Variants in FMNL3 observed in about 807,000 individuals in gnomAD.
FMNL3 encodes formin-like protein 3.
A neutral mutation model predicts 119.6 loss-of-function variants in FMNL3; 57 were observed. That is an observed-to-expected ratio of 0.48 (90% CI 0.39 to 0.59). The LOEUF (loss-of-function observed/expected upper bound fraction) is 0.59, where lower values mean the gene tolerates loss of function less well. Among genes scored for constraint, FMNL3 ranks in the 20% least tolerant of loss-of-function variants. FMNL3 has a pLI of 0.00. For synonymous variants in FMNL3, 491 were observed against 507.3 expected, an observed-to-expected ratio of 0.97 and a Z score of 0.43; for missense variants, 1,053 against 1,323.5, an observed-to-expected ratio of 0.80 and a Z score of 3.17.
chr12:49,637,914 A>T lies in FMNL3; in HGVS notation c.*7901T>A. ...TCCCTGATAAGTCCTGTTTTGCAGA[A>T]GCATTACAGCTTGGTTCAGCAGATA... On this transcript the variant is annotated 3_prime_UTR_variant, in exon 26 of 26. Coordinates refer to ENST00000335154, the MANE Select transcript of FMNL3 (RefSeq NM_175736.5). The T allele has an allele frequency of 9.5e-7, 1 of 1,053,040 alleles. No homozygotes were observed. Among genetic ancestry groups the T allele is most frequent in the Non-Finnish European group, 1.4e-6 (1 of 692,172 alleles). The allele number at this position is 1,053,040 out of a possible 1,614,324, so 65.2% of individuals were successfully genotyped here.
intron 4 of FMNL3, among the ~76,000 whole-genome samples, chr12:49,662,299 C>T (rs542400470): frequency 1.3e-5 from 2 of 152,330 alleles, no homozygotes; most frequent in Admixed American, 6.5e-5. Flanking sequence ...TTCAGACAAA[C>T]AAGCTCTCAG....
At chr12:49,662,374 C>T (rs909953875) in intron 4 of FMNL3, among the ~76,000 whole-genome samples, 17 of 152,170 alleles carry the variant, frequency 1.1e-4, no homozygotes, top group African/African-American at 3.9e-4. Context: ...CATGTCCTTG[C>T]TCAGTGTTTG....
At position 49,637,537 on chromosome 12, in the gene FMNL3, C is replaced by CA; in HGVS notation, c.*8277dup. On this transcript the variant is annotated 3_prime_UTR_variant, in exon 26 of 26. Coordinates refer to ENST00000335154, the MANE Select transcript of FMNL3 (RefSeq NM_175736.5). Reference sequence around the variant, plus strand: ...ATGTCCACCTGGATGGAGCTATATCCAGCAGTCAGCACTGATGTCCGCTTT... The same window carrying CA: ...ATGTCCACCTGGATGGAGCTATATCCAAGCAGTCAGCACTGATGTCCGCTTT... 1 of 1,613,908 alleles carries CA rather than the reference C, an allele frequency of 6.2e-7. No individual in the cohort carries two copies. Among genetic ancestry groups the CA allele is most frequent in the East Asian group, 2.2e-5 (1 of 44,874 alleles).
chr12:49,696,472 GTTGT>G (rs1334849815), intron 1 of FMNL3, among the ~76,000 whole-genome samples: 12 of 152,202 alleles, frequency 7.9e-5, no homozygotes, highest in Non-Finnish European at 2.9e-5. Context: ...TCAAGGCCTT[GTTGT>G]TTAAGACTCA....
intron 1 of FMNL3, among the ~76,000 whole-genome samples, chr12:49,676,028 CCTA>C (rs1944176205): frequency 6.6e-6 from 1 of 152,178 alleles, no homozygotes; most frequent in African/African-American, 2.4e-5. Context: ...CTACCTACTA[CCTA>C]CTACCTGACT....
At position 49,643,535 on chromosome 12, in the gene FMNL3, A is replaced by G. The variant is rs890601293; in HGVS notation, c.*2280T>C. 7.3e-7 allele frequency: 1 copy of G among 1,364,330 alleles called. No individual in the cohort carries two copies. The allele number at this position is 1,364,330 out of a possible 1,614,324, so 84.5% of individuals were successfully genotyped here. ...TGTGGAAGTAGAAAGAACTTCCTCTACCTGCCCAAGCAAGAAGCTGGAGAA... is the reference window on the plus strand; with the variant it reads ...TGTGGAAGTAGAAAGAACTTCCTCTGCCTGCCCAAGCAAGAAGCTGGAGAA... On this transcript the variant is annotated 3_prime_UTR_variant, in exon 26 of 26. Coordinates refer to ENST00000335154, the MANE Select transcript of FMNL3 (RefSeq NM_175736.5).
At position 49,642,340 on chromosome 12, in the gene FMNL3, C is replaced by T; in HGVS notation, c.*3475G>A. 1.9e-6 allele frequency: 3 copies of T among 1,614,028 alleles called. No homozygotes were observed. The highest frequency in any genetic ancestry group is 2.5e-6 in the Non-Finnish European group (3 of 1,180,046). On this transcript the variant is annotated 3_prime_UTR_variant, in exon 26 of 26. Transcript: ENST00000335154. The surrounding 1 kb of genome is among the most constrained non-coding windows in gnomAD (Gnocchi z 5.8). ...TCGAAGCATGCTGAGGCAGGCTGTG[C>T]CTGCTCTGGAGCTAGGCACTGCCTG...
At chr12:49,664,002 A>G (rs1943814579) in intron 4 of FMNL3, among the ~76,000 whole-genome samples, 1 of 152,064 alleles carries the variant, frequency 6.6e-6, no homozygotes, top group African/African-American at 2.4e-5. Flanking sequence ...TAATCCCAGC[A>G]CTTTGAAAGG....
rs200285479 is a variant in FMNL3 at position 49,646,997 on chromosome 12, G to A, written c.2884C>T (p.Arg962Trp). 1.2e-5 allele frequency: 19 copies of A among 1,611,982 alleles called. No individual in the cohort carries two copies. Among genetic ancestry groups the A allele is most frequent in the South Asian group, 4.4e-5 (4 of 91,056 alleles). ...AACTCCTGCTGTTGCCACTTGTTCC[G>A]CTGGGATGGGGTCTAGGGCCAAGAA... ...KKLDAKTPSQRNKWQQQELIA... is the reference protein window; with the variant it reads ...KKLDAKTPSQWNKWQQQELIA... The change falls in exon 25 of 26, where the codon CGG becomes TGG. Residue 962 changes from arginine (R) to tryptophan (W), a missense_variant. This residue lies in a region of FMNL3 where 324 missense variants were observed against 380.9 expected (regional missense o/e 0.85). Coordinates refer to ENST00000335154, the MANE Select transcript of FMNL3 (RefSeq NM_175736.5).
At position 49,637,390 on chromosome 12, in the gene FMNL3, G is replaced by C; in HGVS notation, c.*8425C>G. 1.1e-6 allele frequency: 1 copy of C among 943,272 alleles called. No homozygotes were observed. Among genetic ancestry groups the C allele is most frequent in the Non-Finnish European group, 1.7e-6 (1 of 597,388 alleles). 58.4% of individuals were successfully genotyped at this position (943,272 alleles called of 1,614,324 possible). On this transcript the variant is annotated 3_prime_UTR_variant, in exon 26 of 26. Transcript: ENST00000335154. ...CTTGATTGTCCCTGCCTCTTCCTCTGCCATTCCCTCTCTTCCCCCTCAGTC... is the reference window on the plus strand; with the variant it reads ...CTTGATTGTCCCTGCCTCTTCCTCTCCCATTCCCTCTCTTCCCCCTCAGTC...
chr12:49,666,291 G>T, intron 2 of FMNL3, 84 bp from the exon 3 acceptor site: 4 of 1,260,000 alleles, frequency 3.2e-6, no homozygotes, highest in Non-Finnish European at 3.4e-6. Flanking sequence ...CATTCATAGT[G>T]TTCAGTGTGA....
At chr12:49,706,581 G>A (rs933187369) in intron 1 of FMNL3, among the ~76,000 whole-genome samples, 1 of 152,120 alleles carries the variant, frequency 6.6e-6, no homozygotes, top group Non-Finnish European at 1.5e-5. Flanking sequence ...GTCTGGGCTG[G>A]GAGTGGGACC....
In FMNL3 at chr12:49,649,512, G is replaced by A. The variant is rs567044660; in HGVS notation, c.2262C>T (p.Ser754=). Residue 754 remains serine (S), a synonymous_variant, in exon 19 of 26, where the codon TCC becomes TCT. Coordinates refer to ENST00000335154, the MANE Select transcript of FMNL3 (RefSeq NM_175736.5). This position sits in a 1 kb window ranked among gnomAD's most constrained non-coding sequence, Gnocchi z 5.6. ...TPQLNAIIAA[S]ASVKSSQKLK... is the part of the protein sequence containing the mutation. ...GCTTCTGTGAAGACTTGACGGAAGCGGACGCCGCAATGATGGCATTGAGTT... is the reference window on the plus strand; with the variant it reads ...GCTTCTGTGAAGACTTGACGGAAGCAGACGCCGCAATGATGGCATTGAGTT... 79 of 1,614,160 alleles carry A rather than the reference G, an allele frequency of 4.9e-5. No homozygotes were observed. In the Middle Eastern group the frequency reaches 8.2e-4, roughly 17 times the overall value.
At position 49,641,076 on chromosome 12, in the gene FMNL3, G is replaced by C. The variant is rs924445543; in HGVS notation, c.*4739C>G. 1 of 152,220 alleles carries C rather than the reference G, an allele frequency of 6.6e-6. No homozygotes were observed. Among genetic ancestry groups the C allele is most frequent in the African/African-American group, 2.4e-5 (1 of 41,446 alleles). The allele number at this position is 152,220 out of a possible 1,614,324, so 9.4% of individuals were successfully genotyped here. A position where few individuals can be genotyped will look rare whatever the true frequency, so the allele number is the denominator to read the frequency against. ...TGGCCTGTGCTTAACTGACGTGAGA[G>C]CCAGACTTTGAACTCCAGTGGCTTC... On this transcript the variant is annotated 3_prime_UTR_variant, in exon 26 of 26. Transcript: ENST00000335154.
chr12:49,636,911 C>T lies in FMNL3; in HGVS notation c.*8904G>A. The T allele has an allele frequency of 1.2e-6, 2 of 1,606,308 alleles. No homozygotes were observed. Among genetic ancestry groups the T allele is most frequent in the South Asian group, 2.2e-5 (2 of 90,782 alleles). On this transcript the variant is annotated 3_prime_UTR_variant, in exon 26 of 26. Coordinates refer to ENST00000335154, the MANE Select transcript of FMNL3 (RefSeq NM_175736.5). ...CTGCCCTAGAGCACAACCTCTTCACCCATTCCCTGCCCCCTTCTGGATACG... is the reference window on the plus strand; with the variant it reads ...CTGCCCTAGAGCACAACCTCTTCACTCATTCCCTGCCCCCTTCTGGATACG...
chr12:49,702,618 C>G (rs987149991), intron 1 of FMNL3, among the ~76,000 whole-genome samples: 20 of 152,124 alleles, frequency 1.3e-4, no homozygotes, highest in African/African-American at 4.8e-4. Context: ...TGACAGAGTC[C>G]ACTCCATCAG....
chr12:49,637,895 A>G lies in FMNL3; in HGVS notation c.*7920T>C, dbSNP rs1023807254. On this transcript the variant is annotated 3_prime_UTR_variant, in exon 26 of 26. Coordinates refer to ENST00000335154, the MANE Select transcript of FMNL3 (RefSeq NM_175736.5). Reference sequence around the variant, plus strand: ...CACACTCCCTGCAGAGGACTCCCTGATAAGTCCTGTTTTGCAGAAGCATTA... The same window carrying G: ...CACACTCCCTGCAGAGGACTCCCTGGTAAGTCCTGTTTTGCAGAAGCATTA... 32 of 1,287,748 alleles carry G rather than the reference A, an allele frequency of 2.5e-5. No individual in the cohort carries two copies. Among genetic ancestry groups the G allele is most frequent in the Non-Finnish European group, 3.5e-5 (31 of 895,348 alleles). The allele number at this position is 1,287,748 out of a possible 1,614,324, so 79.8% of individuals were successfully genotyped here.
chr12:49,671,781 A>G (rs1345298556), intron 1 of FMNL3, among the ~76,000 whole-genome samples: 1 of 152,184 alleles, frequency 6.6e-6, no homozygotes, highest in Non-Finnish European at 1.5e-5. Flanking sequence ...TTCCACAGAC[A>G]CTGTAGGCTC....
chr12:49,685,649 T>C (rs1210758316), intron 1 of FMNL3, among the ~76,000 whole-genome samples: 1 of 152,236 alleles, frequency 6.6e-6, no homozygotes, highest in Non-Finnish European at 1.5e-5. Context: ...TCAGTGACTT[T>C]ACAACTTCAA....
Sources: allele counts gnomAD v4.1 joint callset (sites outside exome capture counted in the v4.1 genomes callset), GRCh38; gene constraint gnomAD v4.1.1; regional missense constraint gnomAD v4.1.1; non-coding constraint Gnocchi (gnomAD v3.1); transcripts MANE v1.5; gene names NCBI Gene and HGNC (gene_info 2026-07-23, HGNC 2026-07-21).